The following BANP variants were observed in gnomAD, a reference collection of about 807,000 sequenced individuals.
The protein encoded by BANP is BTG3 associated nuclear protein.
In BANP, 11 loss-of-function variants were observed where a neutral mutation model predicts 68.1. That is an observed-to-expected ratio of 0.16 (90% CI 0.10 to 0.27). The LOEUF (loss-of-function observed/expected upper bound fraction) is 0.27. Ranked by LOEUF, BANP falls within the 10% of genes least tolerant of loss-of-function variation. BANP has a pLI of 1.00. For missense variants in BANP, 504 were observed against 722.7 expected, an observed-to-expected ratio of 0.70 and a Z score of 3.47; for synonymous variants, 329 against 303.2, an observed-to-expected ratio of 1.09 and a Z score of -0.88.
At chr16:88,029,429 G>GA (rs1482741762) in intron 8 of BANP, among the ~76,000 whole-genome samples, 3 of 151,212 alleles carry the variant, frequency 2.0e-5, no homozygotes, top group Non-Finnish European at 4.4e-5. Context: ...CTAACACGGT[G>GA]AAACCCCGTC....
chr16:88,035,037 C>T (rs1395835703), intron 9 of BANP: 7 of 369,246 alleles, frequency 1.9e-5, no homozygotes, highest in South Asian at 3.2e-5. Flanking sequence ...CACATATGGG[C>T]GGGAAAAAGC....
At chr16:88,053,283 C>G (rs2083797729) in intron 11 of BANP, among the ~76,000 whole-genome samples, 1 of 151,446 alleles carries the variant, frequency 6.6e-6, no homozygotes, top group Non-Finnish European at 1.5e-5. Context: ...TCACCGTCAC[C>G]AACACAGTCC....
At chr16:88,067,370 C>G (rs1036303497) in intron 12 of BANP, among the ~76,000 whole-genome samples, 1 of 152,132 alleles carries the variant, frequency 6.6e-6, no homozygotes, top group Non-Finnish European at 1.5e-5. Context: ...CCCACCTACA[C>G]CACATCTGCG....
intron 1 of BANP, among the ~76,000 whole-genome samples, chr16:87,962,260 AG>A (rs2059325963): frequency 6.7e-6 from 1 of 149,764 alleles, no homozygotes; most frequent in African/African-American, 2.5e-5. Flanking sequence ...AAAAAAAGAA[AG>A]CACATTTTTT....
Position 87,957,422 on chromosome 16 carries a change from C to T in BANP, c.-69+5907C>T, listed in dbSNP as rs985556239. On this transcript the variant is annotated intron_variant, in intron 1 of 13. Transcript: ENST00000682872. This position sits in a 1 kb window ranked among gnomAD's most constrained non-coding sequence, Gnocchi z 4.3. ...CCTCCCCTCTGCTCGTCTGTGTCCA[C>T]ATTCTGTCGTGGTTGAGACCGGATC... Among the ~76,000 whole-genome samples, 2 of 152,224 alleles carry T rather than the reference C, an allele frequency of 1.3e-5. No individual in the cohort carries two copies. Among genetic ancestry groups the T allele is most frequent in the African/African-American group, 4.8e-5 (2 of 41,458 alleles).
chr16:88,069,118 G>C (rs930479098), intron 12 of BANP, among the ~76,000 whole-genome samples: 1 of 152,174 alleles, frequency 6.6e-6, no homozygotes, highest in Non-Finnish European at 1.5e-5. Context: ...TGTTCTCATC[G>C]TCAGGCTGGG....
At chr16:87,956,714 C>G (rs2058113694) in intron 1 of BANP, 1 of 151,978 alleles carries the variant, frequency 6.6e-6, no homozygotes, top group Non-Finnish European at 1.5e-5. Context: ...TAGACAAGCT[C>G]AGGTTTCCGC....
At chr16:88,015,447 G>C (rs1168368198) in intron 6 of BANP, among the ~76,000 whole-genome samples, 1 of 152,208 alleles carries the variant, frequency 6.6e-6, no homozygotes, top group African/African-American at 2.4e-5. Flanking sequence ...ACCCTCTCCT[G>C]TCCCTCGTCT....
chr16:87,978,434 T>A (rs968646167), intron 2 of BANP: 1 of 351,530 alleles, frequency 2.8e-6, no homozygotes, highest in African/African-American at 2.2e-5. Context: ...CTCTCTGTTC[T>A]TCCAGGCCTT....
chr16:87,962,839 G>A (rs1394998423), intron 1 of BANP, among the ~76,000 whole-genome samples: 5 of 152,052 alleles, frequency 3.3e-5, no homozygotes, highest in Non-Finnish European at 7.4e-5. Flanking sequence ...ATTCTTGTAC[G>A]TTCCACTTCA....
Position 88,036,083 on chromosome 16 carries a change from C to T in BANP, c.1272+689C>T, listed in dbSNP as rs541721657. Among the ~76,000 whole-genome samples the T allele has an allele frequency of 1.1e-4, 17 of 152,336 alleles. No individual in the cohort carries two copies. The highest frequency in any genetic ancestry group is 2.6e-4 in the African/African-American group (11 of 41,572). Reference sequence around the variant, plus strand: ...TGCATGCCAGAGCAGGACTGTCTCCCGGGTGACCGTCCTTCGACTCTGGGC... The same window carrying T: ...TGCATGCCAGAGCAGGACTGTCTCCTGGGTGACCGTCCTTCGACTCTGGGC... On this transcript the variant is annotated intron_variant, in intron 10 of 13. Transcript: ENST00000682872. The surrounding 1 kb of genome is among the most constrained non-coding windows in gnomAD (Gnocchi z 4.2).
In BANP at chr16:88,071,712, T is replaced by G; in HGVS notation, c.1378-357T>G. 1 of 512,538 alleles carries G rather than the reference T, an allele frequency of 2.0e-6. No individual in the cohort carries two copies. Among genetic ancestry groups the G allele is most frequent in the Non-Finnish European group, 3.8e-6 (1 of 263,866 alleles). The allele number at this position is 512,538 out of a possible 1,614,324, so 31.7% of individuals were successfully genotyped here. A position where few individuals can be genotyped will look rare whatever the true frequency, so the allele number is the denominator to read the frequency against. On this transcript the variant is annotated intron_variant, in intron 12 of 13. Transcript: ENST00000682872. This position sits in a 1 kb window ranked among gnomAD's most constrained non-coding sequence, Gnocchi z 6.5. ...ACTCTGGGAGCGCTTGTGCTCTTCATGGTTGCCACTGGGATTTTCCAGGAG... is the reference window on the plus strand; with the variant it reads ...ACTCTGGGAGCGCTTGTGCTCTTCAGGGTTGCCACTGGGATTTTCCAGGAG...
At chr16:88,049,635 G>A (rs9924551) in intron 11 of BANP, among the ~76,000 whole-genome samples, 71,546 of 152,032 alleles carry the variant, frequency 0.47, 20,036 homozygotes, top group Non-Finnish European at 0.65. Context: ...AACAAGAGAC[G>A]AACCAGGGCT....
At chr16:88,006,693 C>A (rs1286660386) in intron 6 of BANP, among the ~76,000 whole-genome samples, 1 of 150,484 alleles carries the variant, frequency 6.6e-6, no homozygotes, top group Non-Finnish European at 1.5e-5. Flanking sequence ...GTGGCTCACA[C>A]CTGTAATTCC....
intron 6 of BANP, among the ~76,000 whole-genome samples, chr16:88,017,644 C>T (rs1237556113): frequency 1.3e-5 from 2 of 152,146 alleles, no homozygotes; most frequent in African/African-American, 2.4e-5. Flanking sequence ...GAGGGGCTGG[C>T]GGGCGTCACT....
chr16:88,049,107 C>T (rs1226055031), intron 11 of BANP, among the ~76,000 whole-genome samples: 1 of 152,082 alleles, frequency 6.6e-6, no homozygotes, highest in African/African-American at 2.4e-5. Flanking sequence ...TCCTCTAATT[C>T]AGTTCTGACA....
intron 6 of BANP, among the ~76,000 whole-genome samples, chr16:88,015,619 G>T (rs531966023): frequency 6.6e-6 from 1 of 152,346 alleles, no homozygotes; most frequent in South Asian, 2.1e-4. Flanking sequence ...ACCCGTTCTC[G>T]TCTGAGGTCA....
chr16:87,989,102 A>G (rs1213238942), intron 4 of BANP, among the ~76,000 whole-genome samples: 1 of 152,232 alleles, frequency 6.6e-6, no homozygotes, highest in Non-Finnish European at 1.5e-5. Flanking sequence ...AACTTCGAGA[A>G]CAAAGAAAAG....
chr16:88,043,068 G>A (rs11117352), intron 11 of BANP, among the ~76,000 whole-genome samples: 1 of 152,176 alleles, frequency 6.6e-6, no homozygotes. Context: ...AGCTGCCTAA[G>A]TGAGAGTCTC....
Sources: allele counts gnomAD v4.1 joint callset (sites outside exome capture counted in the v4.1 genomes callset), GRCh38; gene constraint gnomAD v4.1.1; non-coding constraint Gnocchi (gnomAD v3.1); transcripts MANE v1.5; gene names NCBI Gene and HGNC (gene_info 2026-07-23, HGNC 2026-07-21).